The following HSP90AA1 variants were observed in gnomAD, a reference collection of about 807,000 sequenced individuals.
HSP90AA1 encodes the protein heat shock protein 90 alpha family class A member 1.
A neutral mutation model predicts 73.3 loss-of-function variants in HSP90AA1; 18 were observed. That is an observed-to-expected ratio of 0.25 (90% CI 0.17 to 0.36). The LOEUF is 0.36. HSP90AA1 is among the 10% of genes least tolerant of loss of function. The pLI is 1.00. For synonymous variants in HSP90AA1, 477 were observed against 296.9 expected (o/e 1.61, Z -6.24); for missense variants, 704 against 874.2 (o/e 0.81, Z 2.45).
intron 1 of HSP90AA1, among the ~76,000 whole-genome samples, chr14:102,102,957 T>C (rs1422275389): frequency 6.6e-6 from 1 of 152,120 alleles, no homozygotes; most frequent in African/African-American, 2.4e-5. Flanking sequence ...GGTGGGCAGA[T>C]GACCTGAGGT....
chr14:102,099,945 G>A lies in HSP90AA1; in HGVS notation c.366+1930C>T, dbSNP rs1163269854. On this transcript the variant is annotated intron_variant, in intron 2 of 11. Transcript: ENST00000334701. ...TTCACGTCTGTAATTCCAGCACTTTGGGAGGCCAAGTTGGGTGGAGAGCTT... is the reference window on the plus strand; with the variant it reads ...TTCACGTCTGTAATTCCAGCACTTTAGGAGGCCAAGTTGGGTGGAGAGCTT... Among the ~76,000 whole-genome samples, 7 of 152,156 alleles carry A rather than the reference G, an allele frequency of 4.6e-5. No individual in the cohort carries two copies. In the East Asian group the frequency reaches 1.2e-3, roughly 25 times the overall value.
At chr14:102,118,536 C>T (rs528832133) in intron 1 of HSP90AA1, among the ~76,000 whole-genome samples, 7 of 152,042 alleles carry the variant, frequency 4.6e-5, no homozygotes, top group Admixed American at 1.3e-4. Flanking sequence ...CCACCATGCC[C>T]GGTCACTTTT....
At chr14:102,087,931 GTTTTTTTTTTTTTTTTTTTCTT>G (rs890589492), upstream of HSP90AA1, among the ~76,000 whole-genome samples, 2 of 109,798 alleles carry the variant, frequency 1.8e-5, no homozygotes, top group African/African-American at 3.5e-5. Context: ...GCCCTAAAAG[GTTTTTTTTTTTTTTTTTTTCTT>G]TTTTTTTTTT....
At position 102,081,002 on chromosome 14, in the gene HSP90AA1, T is replaced by G. The variant is rs1429470820; in HGVS notation, c.*710A>C. 2 of 227,518 alleles carry G rather than the reference T, an allele frequency of 8.8e-6. No homozygotes were observed. The highest frequency in any genetic ancestry group is 4.4e-5 in the African/African-American group (2 of 45,014). The allele number at this position is 227,518 out of a possible 1,614,324, so 14.1% of individuals were successfully genotyped here. A position where few individuals can be genotyped will look rare whatever the true frequency, so the allele number is the denominator to read the frequency against. ...TTTTACATTTTGGCACTAACTGTCA[T>G]CCAGATACTCCCCTTTCCCCCTAAA... On this transcript the variant is annotated 3_prime_UTR_variant, in exon 11 of 11. Coordinates refer to ENST00000216281, the MANE Select transcript of HSP90AA1 (RefSeq NM_005348.4).
intron 1 of HSP90AA1, among the ~76,000 whole-genome samples, chr14:102,128,630 G>GGA (rs2049867183): frequency 9.3e-6 from 1 of 107,002 alleles, no homozygotes; most frequent in East Asian, 2.7e-4. Context: ...CTCCGTCTCG[G>GGA]AAAAAAAAAA....
chr14:102,139,686 CG>C (rs2050218382), upstream of HSP90AA1: 4 of 673,566 alleles, frequency 5.9e-6, no homozygotes, highest in Admixed American at 1.2e-4. Flanking sequence ...AGGCCACACC[CG>C]GGGGAGGAGC....
chr14:102,083,553 A>G lies in HSP90AA1; in HGVS notation c.1479T>C (p.Tyr493=), dbSNP rs776651632. 8.1e-6 allele frequency: 13 copies of G among 1,613,538 alleles called. No individual in the cohort carries two copies. Among genetic ancestry groups the G allele is most frequent in the East Asian group, 2.2e-5 (1 of 44,894 alleles). ...AACATAGTGTTCTCTTACCTGTGAT[A>G]TAATAGATATGTTTCTGGTTCTCCT... ...RMKENQKHIY[Y]ITGETKDQVA... Residue 493 remains tyrosine (Y), a synonymous_variant, in exon 8 of 11, where the codon TAT becomes TAC. Coordinates refer to ENST00000216281, the MANE Select transcript of HSP90AA1 (RefSeq NM_005348.4).
upstream of HSP90AA1, among the ~76,000 whole-genome samples, chr14:102,087,773 T>G (rs563863154): frequency 6.6e-6 from 1 of 152,260 alleles, no homozygotes; most frequent in Non-Finnish European, 1.5e-5. Flanking sequence ...TGCTTCATAC[T>G]TAAGGGTCCC....
chr14:102,081,162 G>C lies in HSP90AA1; in HGVS notation c.*550C>G, dbSNP rs927225724. The stretch of plus-strand genomic sequence containing the variant: ...TTTGAACAGCTTTACGATATGCTTA[G>C]GTAGGCTTTTAACTTTGCTCCTCCA... On this transcript the variant is annotated 3_prime_UTR_variant, in exon 11 of 11. Transcript: ENST00000216281. The C allele has an allele frequency of 4.3e-6, 1 of 234,736 alleles. No homozygotes were observed. The highest frequency in any genetic ancestry group is 6.3e-5 in the East Asian group (1 of 15,976). 14.5% of individuals were successfully genotyped at this position (234,736 alleles called of 1,614,324 possible).
At position 102,081,235 on chromosome 14, in the gene HSP90AA1, T is replaced by TC. The variant is rs1401207536; in HGVS notation, c.*476dup. ...CAAGCCCTGTGGAGAGATCCTTCCA[T>TC]CAAGTTGCTTCAGTTTAACCTATTT... On this transcript the variant is annotated 3_prime_UTR_variant, in exon 11 of 11. Coordinates refer to ENST00000216281, the MANE Select transcript of HSP90AA1 (RefSeq NM_005348.4). 1 of 245,184 alleles carries TC rather than the reference T, an allele frequency of 4.1e-6. No individual in the cohort carries two copies. The highest frequency in any genetic ancestry group is 8.0e-6 in the Non-Finnish European group (1 of 124,390). The allele number at this position is 245,184 out of a possible 1,614,324, so 15.2% of individuals were successfully genotyped here.
intron 1 of HSP90AA1, chr14:102,102,171 G>A (rs2049502947): frequency 2.7e-6 from 3 of 1,105,754 alleles, no homozygotes; most frequent in Non-Finnish European, 4.1e-6. Context: ...ACAGCCCCAA[G>A]CAGGCATGCC....
At chr14:102,119,691 G>A (rs950817809) in intron 1 of HSP90AA1, among the ~76,000 whole-genome samples, 1 of 152,144 alleles carries the variant, frequency 6.6e-6, no homozygotes, top group African/African-American at 2.4e-5. Flanking sequence ...GTTTCACCAT[G>A]TTGGCCAGGG....
intron 1 of HSP90AA1, among the ~76,000 whole-genome samples, chr14:102,120,719 G>A (rs866487598): frequency 4.6e-5 from 7 of 152,032 alleles, no homozygotes; most frequent in Middle Eastern, 3.4e-3. Flanking sequence ...GAGGCGGGCC[G>A]ATTACCTCAG....
At chr14:102,082,928 A>G in intron 9 of HSP90AA1, 106 bp downstream of exon 9, 1 of 1,225,186 alleles carries the variant, frequency 8.2e-7, no homozygotes, top group Non-Finnish European at 1.2e-6. Context: ...CACACACAAC[A>G]TAGTTTTCTG....
At chr14:102,121,791 C>A (rs1466821698) in intron 1 of HSP90AA1, among the ~76,000 whole-genome samples, 3 of 152,158 alleles carry the variant, frequency 2.0e-5, no homozygotes, top group Non-Finnish European at 4.4e-5. Context: ...ATGAATGCAA[C>A]TTTTGTGAAT....
chr14:102,109,750 A>C (rs2049614397), intron 1 of HSP90AA1, among the ~76,000 whole-genome samples: 1 of 152,190 alleles, frequency 6.6e-6, no homozygotes, highest in Admixed American at 6.6e-5. Context: ...GTAATGATGA[A>C]AGGTTAGAAC....
chr14:102,114,862 T>C (rs1475085446), intron 1 of HSP90AA1, among the ~76,000 whole-genome samples: 2 of 151,942 alleles, frequency 1.3e-5, no homozygotes, highest in Non-Finnish European at 2.9e-5. Flanking sequence ...TGGCCAGGCA[T>C]GGTGGCTCAC....
chr14:102,086,038 G>A lies in HSP90AA1; in HGVS notation c.249C>T (p.Asn83=). 2 of 1,613,906 alleles carry A rather than the reference G, an allele frequency of 1.2e-6. No homozygotes were observed. The highest frequency in any genetic ancestry group is 2.2e-5 in the South Asian group (2 of 91,074). The change falls in exon 3 of 11, where the codon AAC becomes AAT. Residue 83 remains asparagine (N), a synonymous_variant. Transcript: ENST00000216281. Reference sequence around the variant, plus strand: ...CAATAGTGAGAGTTCGATCTTGTTTGTTCGGTATAAGGTTAATATGCAGCT... The same window carrying A: ...CAATAGTGAGAGTTCGATCTTGTTTATTCGGTATAAGGTTAATATGCAGCT... The part of the protein sequence containing the change: ...GKELHINLIP[N]KQDRTLTIVD...
chr14:102,129,565 T>C (rs1190595), intron 1 of HSP90AA1, among the ~76,000 whole-genome samples: 137,273 of 149,620 alleles, frequency 0.92, 63,039 homozygotes, highest in East Asian at 1. Flanking sequence ...TGCAGTGGCT[T>C]GATCTCAGCT....
Sources: allele counts gnomAD v4.1 joint callset (sites outside exome capture counted in the v4.1 genomes callset), GRCh38; gene constraint gnomAD v4.1.1; transcripts MANE v1.5; gene names NCBI Gene and HGNC (gene_info 2026-07-23, HGNC 2026-07-21).